The following GPR107 variants were observed in gnomAD, a reference collection of about 807,000 sequenced individuals.
The protein encoded by GPR107 is G protein-coupled receptor 107.
Under a neutral mutation model 75.5 loss-of-function variants are expected in GPR107, and 31 were observed. That is an observed-to-expected ratio of 0.41 (90% CI 0.31 to 0.55). GPR107 has a LOEUF of 0.55. Among genes scored for constraint, GPR107 ranks in the 20% least tolerant of loss-of-function variants. The pLI is 0.26. For missense variants in GPR107, 572 were observed against 665.7 expected (o/e 0.86, Z 1.55); for synonymous variants, 267 against 251.3 (o/e 1.06, Z -0.59).
At chr9:130,081,070 C>T (rs1201699001) in intron 5 of GPR107, among the ~76,000 whole-genome samples, 1 of 151,876 alleles carries the variant, frequency 6.6e-6, no homozygotes, top group Non-Finnish European at 1.5e-5. Context: ...AAAAATTAGC[C>T]ATGCGTAGTG....
At chr9:130,075,482 G>T (rs182475548) in intron 1 of GPR107, among the ~76,000 whole-genome samples, 154 bp from the exon 2 acceptor site, 1 of 152,096 alleles carries the variant, frequency 6.6e-6, no homozygotes, top group Admixed American at 6.6e-5. Context: ...CTGACCTCAG[G>T]TGATCCACCC....
At chr9:130,076,314 G>C in intron 2 of GPR107, 98 bp from the exon 3 acceptor site, 1 of 708,156 alleles carries the variant, frequency 1.4e-6, no homozygotes, top group Non-Finnish European at 2.5e-6. Flanking sequence ...GAAAACAGAG[G>C]AGACCACGTT....
At chr9:130,054,492 G>A (rs1829689006) in intron 1 of GPR107, among the ~76,000 whole-genome samples, 1 of 152,170 alleles carries the variant, frequency 6.6e-6, no homozygotes, top group Admixed American at 6.5e-5. Context: ...CGGTTTGAAG[G>A]TACTTGGAAC....
intron 1 of GPR107, among the ~76,000 whole-genome samples, chr9:130,070,620 A>G (rs1038170602): frequency 1.9e-4 from 29 of 152,214 alleles, no homozygotes; most frequent in Admixed American, 1.1e-3. Context: ...AAAAAGTTGA[A>G]AGGATATATA....
intron 16 of GPR107, 63 bp from the exon 17 acceptor site, chr9:130,128,577 C>T (rs182013432): frequency 1.4e-6 from 2 of 1,399,906 alleles, no homozygotes; most frequent in Non-Finnish European, 2.0e-6. Context: ...TGTTGAATTC[C>T]ACTGCTTTCT....
intron 14 of GPR107, among the ~76,000 whole-genome samples, chr9:130,108,550 C>G (rs2132621585): frequency 6.6e-6 from 1 of 152,304 alleles, no homozygotes; most frequent in East Asian, 1.9e-4. Context: ...CAGTTTGGGC[C>G]TGGAACAGAT....
chr9:130,094,349 CAG>C (rs1830812601), intron 9 of GPR107, among the ~76,000 whole-genome samples: 1 of 152,066 alleles, frequency 6.6e-6, no homozygotes. Flanking sequence ...GAGGCTGAAG[CAG>C]GAGAATGGCG....
Position 130,104,400 on chromosome 9 carries a change from G to T in GPR107, c.1132-20G>T, listed in dbSNP as rs758522398. 2.5e-6 allele frequency: 4 copies of T among 1,612,874 alleles called. No homozygotes were observed. The African/African-American group carries it at 5.3e-5, about 22-fold the overall frequency. On this transcript the variant is annotated intron_variant, in intron 12 of 17. Coordinates refer to ENST00000347136, the MANE Select transcript of GPR107 (RefSeq NM_020960.5). Reference sequence around the variant, plus strand: ...AGTCCACCCATGCTTTGGGGCCTCAGCAACTTCTCATGTCTGTAGGTCCTG... The same window carrying T: ...AGTCCACCCATGCTTTGGGGCCTCATCAACTTCTCATGTCTGTAGGTCCTG...
intron 7 of GPR107, among the ~76,000 whole-genome samples, chr9:130,087,773 T>C (rs1830647923): frequency 1.5e-5 from 2 of 131,244 alleles, no homozygotes; most frequent in South Asian, 4.8e-4. Context: ...GCCACTGCAC[T>C]GCAGCCTGGG....
intron 15 of GPR107, among the ~76,000 whole-genome samples, chr9:130,126,427 C>T (rs1659843110): frequency 6.7e-6 from 1 of 149,380 alleles, no homozygotes; most frequent in Admixed American, 6.7e-5. Context: ...CTCACTGCAA[C>T]CTCCGCCTCT....
intron 15 of GPR107, among the ~76,000 whole-genome samples, chr9:130,125,445 A>G (rs1419547851): frequency 2.0e-5 from 3 of 147,896 alleles, no homozygotes; most frequent in Non-Finnish European, 4.5e-5. Flanking sequence ...CTACCTTAAG[A>G]TGGACTCCAA....
chr9:130,097,012 A>G (rs904160773), intron 9 of GPR107, among the ~76,000 whole-genome samples: 1 of 152,140 alleles, frequency 6.6e-6, no homozygotes, highest in Admixed American at 6.5e-5. Flanking sequence ...TGGACTGCCT[A>G]CATCTCCCTG....
At chr9:130,113,146 TC>T (rs1471574400) in intron 14 of GPR107, among the ~76,000 whole-genome samples, 1 of 152,030 alleles carries the variant, frequency 6.6e-6, no homozygotes, top group Non-Finnish European at 1.5e-5. Context: ...ACATATTACT[TC>T]AACAAAAACA....
chr9:130,056,945 A>AAAAAG (rs1564655329), intron 1 of GPR107, among the ~76,000 whole-genome samples: 18 of 149,042 alleles, frequency 1.2e-4, no homozygotes, highest in African/African-American at 4.0e-4. Flanking sequence ...AAAAAAAAAA[A>AAAAAG]AAAAAAGAAA....
chr9:130,090,888 A>T lies in GPR107; in HGVS notation c.634A>T (p.Ile212Phe), dbSNP rs543079941. Residue 212 changes from isoleucine to phenylalanine, a missense_variant, in exon 8 of 18, where the codon ATC becomes TTC. Ile to Phe is a conservative substitution (Grantham distance 21, BLOSUM62 0). Transcript: ENST00000347136. ...TCTTCACTTTCAGTTTTTCTTTAAC[A>T]TCAGCACTGATGACCAAGAAGGCCT... ...GAVSFQFFFN[I>F]STDDQEGLYS... The T allele has an allele frequency of 7.3e-7, 1 of 1,368,672 alleles. No individual in the cohort carries two copies. Among genetic ancestry groups the T allele is most frequent in the Non-Finnish European group, 1.0e-6 (1 of 958,732 alleles). 84.8% of individuals were successfully genotyped at this position (1,368,672 alleles called of 1,614,324 possible).
intron 6 of GPR107, among the ~76,000 whole-genome samples, chr9:130,084,048 A>G (rs1225831789): frequency 3.7e-3 from 1 of 270 alleles, no homozygotes; most frequent in African/African-American, 5.0e-3. Flanking sequence ...GAGAGCTAAC[A>G]TATATATATA....
At chr9:130,126,367 C>T (rs1171110802) in intron 15 of GPR107, among the ~76,000 whole-genome samples, 3 of 122,356 alleles carry the variant, frequency 2.5e-5, no homozygotes, top group African/African-American at 6.3e-5. Context: ...TTTTTTGAGA[C>T]GGAGTTTCGC....
rs1209736605 is a variant in GPR107 at position 130,126,342 on chromosome 9, C to CTTT, written c.1357-1123_1357-1121dup. 3.5e-3 allele frequency among the ~76,000 whole-genome samples: 423 copies of CTTT among 121,846 alleles called. 4 individuals are homozygous for CTTT. Among genetic ancestry groups the CTTT allele is most frequent in the African/African-American group, 0.012 (393 of 32,834 alleles). 79.9% of individuals were successfully genotyped at this position (121,846 alleles called of 152,430 possible). A position where few individuals can be genotyped will look rare whatever the true frequency, so the allele number is the denominator to read the frequency against. On this transcript the variant is annotated intron_variant, in intron 15 of 17. Coordinates refer to ENST00000347136, the MANE Select transcript of GPR107 (RefSeq NM_020960.5). Reference sequence around the variant, plus strand: ...GAGTCTTGAAAGAACGTTTCCAAGTCTTTTTTTTTTTTTTTTTTTTGAGAC... The same window carrying CTTT: ...GAGTCTTGAAAGAACGTTTCCAAGTCTTTTTTTTTTTTTTTTTTTTTTTGAGAC...
At chr9:130,120,017 G>T (rs1831513392) in intron 14 of GPR107, among the ~76,000 whole-genome samples, 1 of 152,156 alleles carries the variant, frequency 6.6e-6, no homozygotes, top group South Asian at 2.1e-4. Flanking sequence ...GTAGAGACAG[G>T]GTCTCCCTAT....
Sources: gnomAD v4.1 joint callset for allele counts (sites outside exome capture counted in the v4.1 genomes callset) on GRCh38, gnomAD v4.1.1 for gene constraint, MANE v1.5 for transcripts, NCBI Gene and HGNC (gene_info 2026-07-23, HGNC 2026-07-21) for gene names.